Variants in VPS13C observed in about 807,000 individuals in gnomAD.
VPS13C encodes vacuolar protein sorting 13 homolog C.
A neutral mutation model predicts 456.8 loss-of-function variants in VPS13C; 358 were observed. That is an observed-to-expected ratio of 0.78 (90% CI 0.72 to 0.86). The LOEUF is 0.86. VPS13C is among the 40% of genes least tolerant of loss of function. VPS13C has a pLI of 0.00. For missense variants in VPS13C, 4,818 were observed against 4,385.4 expected (o/e 1.10, Z -2.79); for synonymous variants, 1,578 against 1,486.7 (o/e 1.06, Z -1.41).
chr15:62,021,828 T>C (rs907525642), intron 8 of VPS13C, among the ~76,000 whole-genome samples: 1 of 151,888 alleles, frequency 6.6e-6, no homozygotes, highest in Admixed American at 6.6e-5. Flanking sequence ...TGCAGCTCTT[T>C]CCGAAGAAAC....
At chr15:61,931,280 A>G (rs1298979574) in intron 49 of VPS13C, 21 bp from the exon 50 acceptor site, 1 of 1,596,232 alleles carries the variant, frequency 6.3e-7, no homozygotes, top group Non-Finnish European at 8.5e-7. Context: ...TTTTTCAAGC[A>G]AAAGAATCAA....
At chr15:61,966,364 G>A (rs2045376758) in intron 29 of VPS13C, among the ~76,000 whole-genome samples, 1 of 149,346 alleles carries the variant, frequency 6.7e-6, no homozygotes, top group Non-Finnish European at 1.5e-5. Context: ...ATTCATTTCT[G>A]GGAAACTGTA....
At chr15:61,965,978 G>A in intron 30 of VPS13C, 105 bp downstream of exon 30, 1 of 714,916 alleles carries the variant, frequency 1.4e-6, no homozygotes, top group Non-Finnish European at 2.2e-6. Flanking sequence ...ATTGGTCCTT[G>A]ATTATGTCAT....
In VPS13C at chr15:61,881,604, G is replaced by A; in HGVS notation, c.9735C>T (p.Val3245=). The A allele has an allele frequency of 6.2e-7, 1 of 1,612,524 alleles. No individual in the cohort carries two copies. The highest frequency in any genetic ancestry group is 8.5e-7 in the Non-Finnish European group (1 of 1,179,220). ...SEPKPFIDVS[V]ITRFNEYSKV... is the part of the protein sequence containing the mutation. ...TACTGTACTCATTAAATCTTGTGAT[G>A]ACACTCACATCAATGAAAGGCTTGG... The change falls in exon 71 of 85, where the codon GTC becomes GTT. Residue 3245 remains valine, a synonymous_variant. Coordinates refer to ENST00000644861, the MANE Select transcript of VPS13C (RefSeq NM_020821.3).
chr15:61,945,226 A>G (rs2044564343), intron 45 of VPS13C, among the ~76,000 whole-genome samples: 2 of 152,238 alleles, frequency 1.3e-5, no homozygotes, highest in African/African-American at 2.4e-5. Context: ...ACCCAGTCTC[A>G]GGCAGTTCTT....
At chr15:61,912,058 A>G in intron 62 of VPS13C, 54 bp from the exon 63 acceptor site, 2 of 1,409,376 alleles carry the variant, frequency 1.4e-6, no homozygotes, top group Non-Finnish European at 1.9e-6. Flanking sequence ...TTTGAAATAT[A>G]TACACATCCC....
rs969610619 is a variant in VPS13C, at chr15:61,947,579, C to G, written c.4760-270G>C. Among the ~76,000 whole-genome samples the G allele has an allele frequency of 3.8e-5, 4 of 106,426 alleles. No homozygotes were observed. The East Asian group carries it at 1.4e-3, about 38-fold the overall frequency. The allele number at this position is 106,426 out of a possible 152,430, so 69.8% of individuals were successfully genotyped here. A position where few individuals can be genotyped will look rare whatever the true frequency, so the allele number is the denominator to read the frequency against. On this transcript the variant is annotated intron_variant, in intron 42 of 84. Coordinates refer to ENST00000644861, the MANE Select transcript of VPS13C (RefSeq NM_020821.3). ...TGCAATTTACTAGATGGAAACTTTA[C>G]TACAACTTTTTTTCTGGGAAAAAAG...
intron 6 of VPS13C, among the ~76,000 whole-genome samples, chr15:62,024,868 C>T (rs562652787): frequency 6.6e-6 from 1 of 152,044 alleles, no homozygotes; most frequent in Non-Finnish European, 1.5e-5. Context: ...CATGTCATTC[C>T]GTGAACTTCC....
intron 68 of VPS13C, among the ~76,000 whole-genome samples, chr15:61,882,980 T>C (rs927736367): frequency 1.3e-5 from 2 of 152,062 alleles, no homozygotes; most frequent in African/African-American, 4.8e-5. Flanking sequence ...AAACATGCTT[T>C]ATGTAAAAGA....
chr15:62,000,468 A>C lies in VPS13C; in HGVS notation c.1353+96T>G. The stretch of plus-strand genomic sequence containing the variant: ...CTCCTGAGACTAAATTAAGCAATAA[A>C]AACCTCACCTCGTGAAACTTCAATT... On this transcript the variant is annotated intron_variant, in intron 16 of 84. Coordinates refer to ENST00000644861, the MANE Select transcript of VPS13C (RefSeq NM_020821.3). 3 of 1,201,062 alleles carry C rather than the reference A, an allele frequency of 2.5e-6. No homozygotes were observed. The South Asian group carries it at 4.6e-5, about 18-fold the overall frequency. The allele number at this position is 1,201,062 out of a possible 1,614,324, so 74.4% of individuals were successfully genotyped here. A position where few individuals can be genotyped will look rare whatever the true frequency, so the allele number is the denominator to read the frequency against.
chr15:61,955,375 T>A (rs1307968877), intron 37 of VPS13C, among the ~76,000 whole-genome samples: 1 of 152,186 alleles, frequency 6.6e-6, no homozygotes, highest in Non-Finnish European at 1.5e-5. Flanking sequence ...AGCAGTCTGA[T>A]TTTACAGTCT....
At chr15:61,968,026 C>A (rs1354875274) in intron 28 of VPS13C, among the ~76,000 whole-genome samples, 1 of 151,952 alleles carries the variant, frequency 6.6e-6, no homozygotes, top group Non-Finnish European at 1.5e-5. Context: ...AAGGGCATAA[C>A]CTTCACTAAA....
chr15:61,997,385 G>A (rs1249610215), intron 16 of VPS13C, among the ~76,000 whole-genome samples: 1 of 151,964 alleles, frequency 6.6e-6, no homozygotes, highest in African/African-American at 2.4e-5. Context: ...AATTCCTGAG[G>A]TGATCTCATG....
intron 18 of VPS13C, among the ~76,000 whole-genome samples, chr15:61,987,596 G>T (rs1173908676): frequency 6.6e-6 from 1 of 152,034 alleles, no homozygotes; most frequent in African/African-American, 2.4e-5. Context: ...CGGATTATGG[G>T]GATTACAATT....
chr15:61,863,381 A>C (rs1254452507), intron 82 of VPS13C, 59 bp downstream of exon 82: 1 of 1,335,466 alleles, frequency 7.5e-7, no homozygotes, highest in Non-Finnish European at 1.0e-6. Context: ...TAGCCTTCAA[A>C]ATTCTTGTGA....
intron 60 of VPS13C, 118 bp downstream of exon 60, chr15:61,917,223 G>C: frequency 9.7e-7 from 1 of 1,033,292 alleles, no homozygotes; most frequent in Non-Finnish European, 1.4e-6. Flanking sequence ...CATTATGAAG[G>C]CATTACACAT....
chr15:62,010,940 T>C (rs1440961896), intron 12 of VPS13C, among the ~76,000 whole-genome samples: 1 of 152,126 alleles, frequency 6.6e-6, no homozygotes. Context: ...GATTGTATTA[T>C]TCATTAAAAA....
intron 24 of VPS13C, among the ~76,000 whole-genome samples, chr15:61,976,350 AAATT>A (rs1277712354): frequency 7.3e-4 from 111 of 152,222 alleles, no homozygotes; most frequent in African/African-American, 2.3e-3. Flanking sequence ...AATGAATCTT[AAATT>A]AATTATGTTG....
chr15:62,011,417 G>A (rs1194190582), intron 12 of VPS13C, among the ~76,000 whole-genome samples: 1 of 151,902 alleles, frequency 6.6e-6, no homozygotes, highest in East Asian at 1.9e-4. Flanking sequence ...AAAAATGTAG[G>A]GATCTATGTA....
Sources: allele counts gnomAD v4.1 joint callset (sites outside exome capture counted in the v4.1 genomes callset), GRCh38; gene constraint gnomAD v4.1.1; transcripts MANE v1.5; gene names NCBI Gene and HGNC (gene_info 2026-07-23, HGNC 2026-07-21).